The following MB21D2 variants were observed in gnomAD, a reference collection of about 807,000 sequenced individuals.
MB21D2 encodes the protein Mab-21 domain containing 2.
MB21D2 carries 9 observed loss-of-function variants against 33.3 expected under a neutral mutation model. That is an observed-to-expected ratio of 0.27 (90% CI 0.16 to 0.47). The LOEUF (loss-of-function observed/expected upper bound fraction) is 0.47, where lower values mean the gene tolerates loss of function less well. Ranked by LOEUF, MB21D2 falls within the 20% of genes least tolerant of loss-of-function variation. The pLI is 0.99. For synonymous variants in MB21D2, 241 were observed against 236.3 expected (o/e 1.02, Z -0.18); for missense variants, 540 against 624.6 (o/e 0.86, Z 1.44).
chr3:192,867,939 G>A (rs1411407287), intron 1 of MB21D2, among the ~76,000 whole-genome samples: 1 of 152,152 alleles, frequency 6.6e-6, no homozygotes, highest in African/African-American at 2.4e-5. Context: ...TGGGGATGGG[G>A]GAGGAAGGAA....
chr3:192,802,046 G>A (rs976109890), intron 1 of MB21D2, among the ~76,000 whole-genome samples: 29 of 152,032 alleles, frequency 1.9e-4, no homozygotes, highest in African/African-American at 6.5e-4. Flanking sequence ...ACTGTGATAC[G>A]GCATCCAGGT....
At chr3:192,811,247 C>G (rs1346859226) in intron 1 of MB21D2, among the ~76,000 whole-genome samples, 4 of 152,202 alleles carry the variant, frequency 2.6e-5, no homozygotes, top group Non-Finnish European at 5.9e-5. Context: ...TAGACAGAAT[C>G]TTTATTGGCT....
At position 192,798,346 on chromosome 3, in the gene MB21D2, C is replaced by CT. The variant is rs1343552437; in HGVS notation, c.*39_*40insA. On this transcript the variant is annotated 3_prime_UTR_variant, in exon 2 of 2. Transcript: ENST00000392452. The surrounding 1 kb of genome is among the most constrained non-coding windows in gnomAD (Gnocchi z 4.8). ...CATCACAAACCACACGACACATTAT[C>CT]AGAGTTTAAGAATCAGGAAAAAAAA... 1 of 1,592,820 alleles carries CT rather than the reference C, an allele frequency of 6.3e-7. No homozygotes were observed. Among genetic ancestry groups the CT allele is most frequent in the Admixed American group, 1.7e-5 (1 of 59,094 alleles).
At chr3:192,887,874 T>C (rs1330690677) in intron 1 of MB21D2, among the ~76,000 whole-genome samples, 1 of 152,022 alleles carries the variant, frequency 6.6e-6, no homozygotes, top group Non-Finnish European at 1.5e-5. Flanking sequence ...AGATGCAGTT[T>C]CTCTTCAGTA....
At chr3:192,809,153 T>C (rs1711731512) in intron 1 of MB21D2, among the ~76,000 whole-genome samples, 1 of 152,142 alleles carries the variant, frequency 6.6e-6, no homozygotes, top group African/African-American at 2.4e-5. Context: ...TGGAGTGCAG[T>C]GGCACAATCT....
intron 1 of MB21D2, among the ~76,000 whole-genome samples, chr3:192,804,968 T>C (rs1387931244): frequency 6.6e-6 from 1 of 152,204 alleles, no homozygotes; most frequent in Non-Finnish European, 1.5e-5. Flanking sequence ...CCTTTCCTCG[T>C]TCATGCCCAG....
intron 1 of MB21D2, among the ~76,000 whole-genome samples, chr3:192,905,501 G>C (rs1221717772): frequency 1.3e-5 from 2 of 151,842 alleles, no homozygotes. Context: ...GCCAGGGGTG[G>C]TGTCAGGCGC....
chr3:192,849,231 TCTGTA>T (rs1405189338), intron 1 of MB21D2, among the ~76,000 whole-genome samples: 1 of 150,142 alleles, frequency 6.7e-6, no homozygotes, highest in African/African-American at 2.5e-5. Flanking sequence ...CCTTCCGAAT[TCTGTA>T]CTGTGAGACT....
intron 1 of MB21D2, among the ~76,000 whole-genome samples, chr3:192,917,108 G>C (rs774437712): frequency 5.3e-5 from 8 of 152,332 alleles, no homozygotes; most frequent in South Asian, 4.1e-4. Flanking sequence ...CCGGGGGCTC[G>C]GCATGACAGC....
intron 1 of MB21D2, among the ~76,000 whole-genome samples, chr3:192,814,504 A>C (rs762927068): frequency 8.5e-5 from 13 of 152,178 alleles, no homozygotes; most frequent in Non-Finnish European, 1.9e-4. Flanking sequence ...GCAGTTTAAA[A>C]GCACGGGTAG....
chr3:192,901,411 TTCAAAAAA>T (rs1349199294), intron 1 of MB21D2, among the ~76,000 whole-genome samples: 2 of 28,136 alleles, frequency 7.1e-5, no homozygotes, highest in African/African-American at 3.1e-4. Flanking sequence ...CTACTAAAAA[TTCAAAAAA>T]AAAAAAAAAA....
chr3:192,887,108 T>C (rs1713749062), intron 1 of MB21D2, among the ~76,000 whole-genome samples: 1 of 152,146 alleles, frequency 6.6e-6, no homozygotes, highest in Non-Finnish European at 1.5e-5. Flanking sequence ...TTGTCCACTC[T>C]GGGAAATGTG....
At chr3:192,871,141 C>T (rs916733019) in intron 1 of MB21D2, among the ~76,000 whole-genome samples, 2 of 152,196 alleles carry the variant, frequency 1.3e-5, no homozygotes, top group East Asian at 3.9e-4. Context: ...TGGGCATATT[C>T]ACGAAGGCAC....
chr3:192,887,290 A>G (rs1713753047), intron 1 of MB21D2, among the ~76,000 whole-genome samples: 1 of 152,080 alleles, frequency 6.6e-6, no homozygotes, highest in African/African-American at 2.4e-5. Context: ...GGAACACGCC[A>G]CCACACCCAA....
intron 1 of MB21D2, among the ~76,000 whole-genome samples, chr3:192,822,046 G>A (rs1014241474): frequency 2.0e-5 from 3 of 152,094 alleles, no homozygotes; most frequent in Admixed American, 2.0e-4. Flanking sequence ...TCTTTACATG[G>A]AAATACGTGA....
chr3:192,878,103 G>GTTTTTTTTTT (rs1296544101), intron 1 of MB21D2, among the ~76,000 whole-genome samples: 101 of 134,216 alleles, frequency 7.5e-4, no homozygotes, highest in East Asian at 1.2e-3. Flanking sequence ...TTTTTTTTTG[G>GTTTTTTTTTT]TTTTTTTTGT....
chr3:192,880,204 A>G (rs1713529830), intron 1 of MB21D2, among the ~76,000 whole-genome samples: 1 of 151,856 alleles, frequency 6.6e-6, no homozygotes, highest in Non-Finnish European at 1.5e-5. Context: ...AAAATTAGCC[A>G]GGCGTGGTGG....
At chr3:192,885,445 C>A (rs1233140624) in intron 1 of MB21D2, among the ~76,000 whole-genome samples, 1 of 152,054 alleles carries the variant, frequency 6.6e-6, no homozygotes, top group East Asian at 1.9e-4. Flanking sequence ...CTTTATCACA[C>A]CCTCTAGGCA....
intron 1 of MB21D2, among the ~76,000 whole-genome samples, chr3:192,909,586 C>G (rs997024330): frequency 3.9e-5 from 6 of 152,124 alleles, no homozygotes; most frequent in Admixed American, 3.3e-4. Context: ...TTTCCCCACT[C>G]AAGTTCACAG....
Sources: gnomAD v4.1 joint callset for allele counts (sites outside exome capture counted in the v4.1 genomes callset) on GRCh38, gnomAD v4.1.1 for gene constraint, Gnocchi (gnomAD v3.1) non-coding constraint, MANE v1.5 for transcripts, NCBI Gene and HGNC (gene_info 2026-07-23, HGNC 2026-07-21) for gene names.